KLHDC4: variants seen among roughly 807,000 people sequenced by gnomAD.
KLHDC4 encodes the protein kelch domain containing 4, also known as kelch domain-containing protein 4.
Under a neutral mutation model 62.4 loss-of-function variants are expected in KLHDC4, and 90 were observed. The ratio of observed to expected loss-of-function variants is 1.44; its 90% CI spans 1.22 to 1.72. The LOEUF (loss-of-function observed/expected upper bound fraction) is 1.72, where lower values mean the gene tolerates loss of function less well. Among genes scored for constraint, KLHDC4 ranks in the 40% most tolerant of loss-of-function variants. The pLI, the probability that KLHDC4 is intolerant of heterozygous loss-of-function variation, is 0.00. For synonymous variants in KLHDC4, 386 were observed against 284.4 expected (o/e 1.36, Z -3.59); for missense variants, 1,025 against 699.7 (o/e 1.47, Z -5.25).
rs1713859073 is a variant in KLHDC4, at chr16:87,756,542, T to G, written c.192-65A>C. On this transcript the variant is annotated intron_variant, in intron 2 of 11. Transcript: ENST00000270583. ...CGATACCCACCTGAGCGCTGTCCCC[T>G]TCCTCACAGAATCCTCTGTCACCAC... 5.2e-6 allele frequency: 6 copies of G among 1,154,152 alleles called. No individual in the cohort carries two copies. The South Asian group carries it at 6.3e-5, about 12-fold the overall frequency. 71.5% of individuals were successfully genotyped at this position (1,154,152 alleles called of 1,614,324 possible).
chr16:87,699,132 G>C (rs2034025792), exon 1 of KLHDC4: 1 of 152,340 alleles, frequency 6.6e-6, no homozygotes, highest in African/African-American at 2.4e-5. Flanking sequence ...GGAAGAGCTG[G>C]AGAAGACCCT....
intron 2 of KLHDC4, among the ~76,000 whole-genome samples, chr16:87,758,614 A>C (rs896488100): frequency 1.3e-5 from 2 of 152,184 alleles, no homozygotes; most frequent in Non-Finnish European, 2.9e-5. Flanking sequence ...CCTGGGCTAC[A>C]ATGGAAGAAG....
chr16:87,734,600 C>T (rs1157586942), intron 5 of KLHDC4, among the ~76,000 whole-genome samples: 1 of 152,222 alleles, frequency 6.6e-6, no homozygotes, highest in African/African-American at 2.4e-5. Flanking sequence ...ATGACAACCA[C>T]ACCCCTCCAT....
At chr16:87,756,534 C>G in intron 2 of KLHDC4, 57 bp from the exon 3 acceptor site, 4 of 1,247,564 alleles carry the variant, frequency 3.2e-6, no homozygotes, top group Non-Finnish European at 4.7e-6. Context: ...CACCTGAGCG[C>G]TGTCCCCTTC....
At chr16:87,707,796 A>G, downstream of KLHDC4, 1 of 373,356 alleles carries the variant, frequency 2.7e-6, no homozygotes, top group Admixed American at 3.1e-5. Flanking sequence ...CACACAGAAG[A>G]CACCCTCCGC....
intron 7 of KLHDC4, among the ~76,000 whole-genome samples, chr16:87,717,335 TG>T (rs1332203923): frequency 6.6e-6 from 1 of 152,256 alleles, no homozygotes; most frequent in Non-Finnish European, 1.5e-5. Flanking sequence ...AGGAAATATT[TG>T]TTTATGGTTA....
At chr16:87,749,321 T>A (rs1408080079) in intron 4 of KLHDC4, among the ~76,000 whole-genome samples, 1 of 152,014 alleles carries the variant, frequency 6.6e-6, no homozygotes, top group Non-Finnish European at 1.5e-5. Context: ...TTCGGGAGGC[T>A]GAGGTGGACA....
At chr16:87,715,484 C>A (rs893464915) in intron 7 of KLHDC4, among the ~76,000 whole-genome samples, 14 of 152,166 alleles carry the variant, frequency 9.2e-5, no homozygotes, top group South Asian at 2.1e-4. Context: ...GCCCAGGGAT[C>A]CCGTCGAGGG....
chr16:87,734,144 A>G (rs1009427284), intron 5 of KLHDC4, among the ~76,000 whole-genome samples: 1 of 152,204 alleles, frequency 6.6e-6, no homozygotes, highest in Non-Finnish European at 1.5e-5. Flanking sequence ...CAGGAGCTCA[A>G]GACCAGCCTC....
chr16:87,708,718 G>A lies in KLHDC4; in HGVS notation c.1448-252C>T, dbSNP rs916758187. ...CCATAACGGAGCGGCTGGCCAACGG[G>A]GCCTCCTGCCACCCTCCACCCCGGC... On this transcript the variant is annotated intron_variant, in intron 10 of 11. Transcript: ENST00000270583. Among the ~76,000 whole-genome samples, 4 of 152,188 alleles carry A rather than the reference G, an allele frequency of 2.6e-5. No homozygotes were observed. In the South Asian group the frequency reaches 6.2e-4, roughly 24 times the overall value.
chr16:87,707,690 G>A (rs1231038724), downstream of KLHDC4: 4 of 207,632 alleles, frequency 1.9e-5, no homozygotes, highest in Non-Finnish European at 4.0e-5. Context: ...GGTCCTTCGT[G>A]TCCAAGGTTC....
At chr16:87,732,331 G>C (rs943489139) in intron 5 of KLHDC4, among the ~76,000 whole-genome samples, 1 of 151,946 alleles carries the variant, frequency 6.6e-6, no homozygotes, top group African/African-American at 2.4e-5. Flanking sequence ...CCTGACCTCA[G>C]GTGATTTGCC....
chr16:87,726,868 C>G lies in KLHDC4; in HGVS notation c.656G>C (p.Ser219Thr). 6.2e-7 allele frequency: 1 copy of G among 1,613,766 alleles called. No individual in the cohort carries two copies. Among genetic ancestry groups the G allele is most frequent in the Non-Finnish European group, 8.5e-7 (1 of 1,179,860 alleles). The change falls in exon 7 of 12, where the codon AGC becomes ACC. Residue 219 changes from serine (S) to threonine (T), a missense_variant. Transcript: ENST00000270583. ...YAFNLDTFTW[S>T]KLSPSGTGPT... ...CCCCGTCCCTGACGGGGACAGCTTG[C>G]TCCATGTGAAGGTGTCCAGATTAAA...
intron 5 of KLHDC4, among the ~76,000 whole-genome samples, chr16:87,740,306 G>A (rs988447748): frequency 6.6e-6 from 1 of 152,160 alleles, no homozygotes; most frequent in Non-Finnish European, 1.5e-5. Flanking sequence ...ATCCCGAGGG[G>A]ACCACCGGCT....
At chr16:87,706,384 TG>T (rs902021643), downstream of KLHDC4, among the ~76,000 whole-genome samples, 1 of 44,688 alleles carries the variant, frequency 2.2e-5, no homozygotes, top group Non-Finnish European at 4.1e-5. Flanking sequence ...GGGGTCGGCG[TG>T]GGGGGGTTGG....
At chr16:87,722,829 G>C (rs778469983) in intron 7 of KLHDC4, among the ~76,000 whole-genome samples, 16 of 152,264 alleles carry the variant, frequency 1.1e-4, no homozygotes, top group South Asian at 2.1e-4. Context: ...TCTGGCAGGA[G>C]AGTGCAGTGC....
intron 10 of KLHDC4, among the ~76,000 whole-genome samples, chr16:87,708,889 G>A (rs1313586737): frequency 6.6e-6 from 1 of 152,276 alleles, no homozygotes; most frequent in African/African-American, 2.4e-5. Flanking sequence ...GGGGACGTGT[G>A]ACTACGGCAG....
chr16:87,728,923 C>T (rs1416775041), intron 6 of KLHDC4, among the ~76,000 whole-genome samples: 2 of 152,084 alleles, frequency 1.3e-5, no homozygotes, highest in African/African-American at 4.8e-5. Flanking sequence ...TAAAGGTGTG[C>T]ACCACCACAC....
downstream of KLHDC4, among the ~76,000 whole-genome samples, chr16:87,706,564 A>G (rs539955365): frequency 1.1e-3 from 174 of 152,318 alleles, no homozygotes; most frequent in Middle Eastern, 3.4e-3. Flanking sequence ...ACCAGGGAAG[A>G]GGCAGTGCCC....
Sources: allele counts gnomAD v4.1 joint callset (sites outside exome capture counted in the v4.1 genomes callset), GRCh38; gene constraint gnomAD v4.1.1; transcripts MANE v1.5; gene names NCBI Gene and HGNC (gene_info 2026-07-23, HGNC 2026-07-21).